The following BRINP3 variants were observed in gnomAD, a reference collection of about 807,000 sequenced individuals.
BRINP3 encodes BMP/retinoic acid inducible neural specific 3.
Under a neutral mutation model 71.0 loss-of-function variants are expected in BRINP3, and 19 were observed. The ratio of observed to expected loss-of-function variants is 0.27; its 90% CI spans 0.19 to 0.39. The LOEUF is 0.39. Ranked by LOEUF, BRINP3 falls within the 10% of genes least tolerant of loss-of-function variation. BRINP3 has a pLI of 1.00. For synonymous variants in BRINP3, 380 were observed against 337.7 expected (o/e 1.13, Z -1.37); for missense variants, 959 against 940.8 (o/e 1.02, Z -0.25).
intron 7 of BRINP3, among the ~76,000 whole-genome samples, chr1:190,156,088 G>A (rs1004550545): frequency 6.6e-6 from 1 of 152,062 alleles, no homozygotes; most frequent in Non-Finnish European, 1.5e-5. Flanking sequence ...AGGCTTTAGA[G>A]TTTACTCAAG....
In BRINP3 at chr1:190,099,924, C is replaced by T. The variant is rs570792663; in HGVS notation, c.1185-790G>A. ...TCAAATCTCACTTTTCTGATTTTCTCGCATTATTTAAACTATTTTGGTGTC... is the reference window on the plus strand; with the variant it reads ...TCAAATCTCACTTTTCTGATTTTCTTGCATTATTTAAACTATTTTGGTGTC... On this transcript the variant is annotated intron_variant, in intron 7 of 7. Coordinates refer to ENST00000367462, the MANE Select transcript of BRINP3 (RefSeq NM_199051.3). Among the ~76,000 whole-genome samples the T allele has an allele frequency of 1.6e-4, 25 of 152,076 alleles. No individual in the cohort carries two copies. In the South Asian group the frequency reaches 2.1e-3, roughly 13 times the overall value.
chr1:190,099,971 G>A (rs1651556344), intron 7 of BRINP3, among the ~76,000 whole-genome samples: 1 of 152,108 alleles, frequency 6.6e-6, no homozygotes, highest in Admixed American at 6.5e-5. Flanking sequence ...AAAATAATGA[G>A]GGAAGAGCAA....
chr1:190,287,565 T>C (rs1026338328), intron 2 of BRINP3, among the ~76,000 whole-genome samples: 2 of 152,100 alleles, frequency 1.3e-5, no homozygotes, highest in Non-Finnish European at 2.9e-5. Context: ...CAATCACAAA[T>C]ACAACTTATG....
intron 2 of BRINP3, among the ~76,000 whole-genome samples, chr1:190,427,578 T>C (rs2102489631): frequency 6.6e-6 from 1 of 152,154 alleles, no homozygotes; most frequent in East Asian, 1.9e-4. Context: ...TAATTGTTTA[T>C]TAATTAATGA....
chr1:190,223,223 A>G (rs1657044274), intron 6 of BRINP3, among the ~76,000 whole-genome samples: 1 of 151,976 alleles, frequency 6.6e-6, no homozygotes, highest in Non-Finnish European at 1.5e-5. Context: ...CAAGAAACCA[A>G]TAAGAACACT....
intron 2 of BRINP3, among the ~76,000 whole-genome samples, chr1:190,309,102 A>T (rs1304793167): frequency 6.6e-6 from 1 of 151,936 alleles, no homozygotes; most frequent in Non-Finnish European, 1.5e-5. Context: ...AAAATAAAAT[A>T]TTATTCAGCC....
At chr1:190,379,730 T>A (rs1670417503) in intron 2 of BRINP3, among the ~76,000 whole-genome samples, 1 of 152,014 alleles carries the variant, frequency 6.6e-6, no homozygotes, top group Non-Finnish European at 1.5e-5. Context: ...CTGGGCGCGG[T>A]GGTTCATGCC....
At chr1:190,225,291 C>A (rs749009192) in intron 6 of BRINP3, among the ~76,000 whole-genome samples, 11 of 151,836 alleles carry the variant, frequency 7.2e-5, no homozygotes, top group Non-Finnish European at 1.6e-4. Context: ...ATTATTCAGC[C>A]ATAAAATAGA....
At chr1:190,197,965 T>C (rs927043870) in intron 6 of BRINP3, among the ~76,000 whole-genome samples, 2 of 152,106 alleles carry the variant, frequency 1.3e-5, no homozygotes, top group African/African-American at 4.8e-5. Context: ...ACCTCTAACC[T>C]GGACATCCAG....
intron 7 of BRINP3, among the ~76,000 whole-genome samples, chr1:190,134,872 G>A (rs12065147): frequency 0.013 from 1,970 of 152,190 alleles, 38 homozygotes; most frequent in African/African-American, 0.045. Context: ...TTTAGGACAA[G>A]GCAAGAAACC....
intron 2 of BRINP3, among the ~76,000 whole-genome samples, chr1:190,419,790 T>C (rs949100120): frequency 6.6e-6 from 1 of 150,942 alleles, no homozygotes; most frequent in Middle Eastern, 3.4e-3. Flanking sequence ...TAGTCACAAA[T>C]ACACAGAATG....
chr1:190,396,713 G>GATATATAT (rs3077327), intron 2 of BRINP3, among the ~76,000 whole-genome samples: 8,649 of 100,776 alleles, frequency 0.086, 630 homozygotes, highest in African/African-American at 0.095. Context: ...CTAATTTAAT[G>GATATATAT]ATATATATAT....
chr1:190,441,143 G>GA lies in BRINP3; in HGVS notation c.236+13511dup, dbSNP rs542437106. 2.1e-3 allele frequency among the ~76,000 whole-genome samples: 304 copies of GA among 147,794 alleles called. 5 individuals are homozygous for GA. In the South Asian group the frequency reaches 0.023, roughly 11 times the overall value. The stretch of plus-strand genomic sequence containing the variant: ...ATATAATCTCCTAATAGAGAAGCTA[G>GA]AAAAAAAAAACCTAGAAATTAATAC... On this transcript the variant is annotated intron_variant, in intron 2 of 7. Coordinates refer to ENST00000367462, the MANE Select transcript of BRINP3 (RefSeq NM_199051.3).
rs192516183 is a variant in BRINP3 at position 190,281,932 on chromosome 1, C to G, written c.237-182G>C. Among the ~76,000 whole-genome samples the G allele has an allele frequency of 7.3e-5, 11 of 151,544 alleles. No individual in the cohort carries two copies. In the Admixed American group the frequency reaches 7.3e-4, roughly 10 times the overall value. On this transcript the variant is annotated intron_variant, in intron 2 of 7. Transcript: ENST00000367462. ...TTAACTGGAGTGAATACTCTAAAAC[C>G]AAGTCATGTAAAGGAAAAATAAGCC...
At chr1:190,435,767 T>A (rs1329896450) in intron 2 of BRINP3, among the ~76,000 whole-genome samples, 2 of 151,968 alleles carry the variant, frequency 1.3e-5, no homozygotes, top group Non-Finnish European at 2.9e-5. Flanking sequence ...CAAAATCAAT[T>A]GTACAACCAA....
intron 6 of BRINP3, among the ~76,000 whole-genome samples, chr1:190,166,002 C>T (rs958069660): frequency 4.6e-5 from 7 of 152,082 alleles, no homozygotes; most frequent in Middle Eastern, 3.2e-3. Context: ...TTTCTCCTAA[C>T]GGTTCTAAGG....
chr1:190,165,460 T>TTGTGTGTG (rs1222112915), intron 6 of BRINP3, among the ~76,000 whole-genome samples: 1 of 95,242 alleles, frequency 1.0e-5, no homozygotes, highest in African/African-American at 4.5e-5. Flanking sequence ...TTTTTTTTTT[T>TTGTGTGTG]TGTGTGTGTG....
Position 190,184,081 on chromosome 1 carries a change from A to G in BRINP3, c.962-23191T>C, listed in dbSNP as rs569830605. On this transcript the variant is annotated intron_variant, in intron 6 of 7. Coordinates refer to ENST00000367462, the MANE Select transcript of BRINP3 (RefSeq NM_199051.3). ...TATGAGGCAAAAAATATTTTAAAAA[A>G]GCAACAACAAAGCTCCAAAGAATTG... Among the ~76,000 whole-genome samples the G allele has an allele frequency of 3.9e-5, 6 of 152,304 alleles. No individual in the cohort carries two copies. In the South Asian group the frequency reaches 1.2e-3, roughly 32 times the overall value.
intron 6 of BRINP3, among the ~76,000 whole-genome samples, chr1:190,220,558 C>T (rs1656792774): frequency 6.6e-6 from 1 of 151,842 alleles, no homozygotes. Context: ...AAAAAAGAAG[C>T]AAATAACATA....
Sources: gnomAD v4.1 joint callset for allele counts (sites outside exome capture counted in the v4.1 genomes callset) on GRCh38, gnomAD v4.1.1 for gene constraint, MANE v1.5 for transcripts, NCBI Gene and HGNC (gene_info 2026-07-23, HGNC 2026-07-21) for gene names.